The following C12orf54 variants were observed in gnomAD, a reference collection of about 807,000 sequenced individuals.
C12orf54 encodes uncharacterized protein C12orf54.
C12orf54 carries 24 observed loss-of-function variants against 26.4 expected under a neutral mutation model. The observed-to-expected ratio is 0.91, with a 90% CI of 0.66 to 1.28. The LOEUF is 1.28. C12orf54 is among the 50% of genes most tolerant of loss of function. The pLI is 0.00. For missense variants in C12orf54, 154 were observed against 150.9 expected, an observed-to-expected ratio of 1.02 and a Z score of -0.11; for synonymous variants, 54 against 47.0, an observed-to-expected ratio of 1.15 and a Z score of -0.61.
At chr12:48,444,045 A>ATAAG in the C12orf54 span, among the ~76,000 whole-genome samples, 1 of 152,224 alleles carries the variant, frequency 6.6e-6, no homozygotes, top group Non-Finnish European at 1.5e-5. Context: ...GTCCAGACTA[A>ATAAG]TAAGTTTGAA....
At chr12:48,435,003 A>C in the C12orf54 span, among the ~76,000 whole-genome samples, 4 of 152,182 alleles carry the variant, frequency 2.6e-5, no homozygotes, top group Non-Finnish European at 4.4e-5. Flanking sequence ...AAAGAAGTTA[A>C]AAACTTTGAA....
chr12:48,436,728 C>G, the C12orf54 span, among the ~76,000 whole-genome samples: 1 of 152,104 alleles, frequency 6.6e-6, no homozygotes. Context: ...ACACAATATA[C>G]CAGAATCTCT....
the C12orf54 span, among the ~76,000 whole-genome samples, chr12:48,429,677 A>G: frequency 4.6e-5 from 7 of 152,202 alleles, no homozygotes; most frequent in Non-Finnish European, 1.0e-4. Flanking sequence ...GACACAAACA[A>G]ATGGAAACAC....
At chr12:48,451,336 A>AC in the C12orf54 span, among the ~76,000 whole-genome samples, 2 of 152,132 alleles carry the variant, frequency 1.3e-5, no homozygotes, top group African/African-American at 4.8e-5. Flanking sequence ...GAAGGAACAT[A>AC]CCTCAAAATA....
the C12orf54 span, among the ~76,000 whole-genome samples, chr12:48,429,593 G>A: frequency 6.6e-6 from 1 of 151,036 alleles, no homozygotes; most frequent in Non-Finnish European, 1.5e-5. Flanking sequence ...AAAATACTTA[G>A]AATATACCTA....
At chr12:48,424,743 A>T in the C12orf54 span, among the ~76,000 whole-genome samples, 2 of 152,150 alleles carry the variant, frequency 1.3e-5, no homozygotes, top group East Asian at 1.9e-4. Flanking sequence ...CTTCACAAAG[A>T]CTTCTACTTA....
At chr12:48,465,407 A>C in the C12orf54 span, among the ~76,000 whole-genome samples, 1 of 152,142 alleles carries the variant, frequency 6.6e-6, no homozygotes, top group Non-Finnish European at 1.5e-5. Flanking sequence ...AAAAAGTCAA[A>C]ACATAACTGA....
At chr12:48,415,374 A>C in the C12orf54 span, among the ~76,000 whole-genome samples, 1 of 152,170 alleles carries the variant, frequency 6.6e-6, no homozygotes, top group African/African-American at 2.4e-5. Flanking sequence ...TTCTCTTTTC[A>C]ACTTATCCTA....
the C12orf54 span, among the ~76,000 whole-genome samples, chr12:48,460,373 CT>C: frequency 6.6e-6 from 1 of 151,730 alleles, no homozygotes; most frequent in Admixed American, 6.6e-5. Flanking sequence ...GGAAATAAGG[CT>C]TTTGGAGACA....
chr12:48,491,245 G>T (rs960192101), intron 6 of C12orf54, among the ~76,000 whole-genome samples: 1 of 152,204 alleles, frequency 6.6e-6, no homozygotes, highest in African/African-American at 2.4e-5. Flanking sequence ...TGTCTGGTGA[G>T]GCCCTGCTTC....
chr12:48,481,515 G>A (rs763072757), upstream of C12orf54, among the ~76,000 whole-genome samples: 6 of 152,110 alleles, frequency 3.9e-5, no homozygotes, highest in Non-Finnish European at 7.3e-5. Flanking sequence ...CTCACTAGTA[G>A]CACCTGGAGC....
chr12:48,494,924 C>T lies in C12orf54; in HGVS notation c.369C>T (p.Tyr123=). The T allele has an allele frequency of 6.2e-7, 1 of 1,613,394 alleles. No individual in the cohort carries two copies. Among genetic ancestry groups the T allele is most frequent in the Non-Finnish European group, 8.5e-7 (1 of 1,179,312 alleles). The change falls in exon 8 of 9, where the codon TAC becomes TAT. Residue 123 remains tyrosine, a synonymous_variant. Coordinates refer to ENST00000548364, the MANE Select transcript of C12orf54 (RefSeq NM_152319.4). ...LKTQLFSQSA[Y]YPGP ...CACAGCTCTTCAGTCAATCAGCTTA[C>T]TACCCTGGACCCTAACTCTACAATC...
At chr12:48,442,633 A>C in the C12orf54 span, 1 of 166,916 alleles carries the variant, frequency 6.0e-6, no homozygotes, top group Admixed American at 6.4e-5. Flanking sequence ...CAGTGCCCCC[A>C]GTGGCAAACA....
chr12:48,429,233 A>C, the C12orf54 span, among the ~76,000 whole-genome samples: 1 of 152,138 alleles, frequency 6.6e-6, no homozygotes, highest in Non-Finnish European at 1.5e-5. Flanking sequence ...GAAAAGTTGA[A>C]AGCATTCCCT....
chr12:48,457,747 C>T, the C12orf54 span, among the ~76,000 whole-genome samples: 1 of 152,132 alleles, frequency 6.6e-6, no homozygotes, highest in South Asian at 2.1e-4. Context: ...GCCTCCTTGG[C>T]TTTGGGTCCT....
At chr12:48,433,182 C>T in the C12orf54 span, among the ~76,000 whole-genome samples, 1 of 152,192 alleles carries the variant, frequency 6.6e-6, no homozygotes, top group Non-Finnish European at 1.5e-5. Context: ...AACAGCAGAT[C>T]AGCCTTGGTG....
chr12:48,467,059 T>C, the C12orf54 span, among the ~76,000 whole-genome samples: 3 of 152,042 alleles, frequency 2.0e-5, no homozygotes, highest in Non-Finnish European at 4.4e-5. Flanking sequence ...AAAATGGTCT[T>C]TGCAAATATA....
the C12orf54 span, among the ~76,000 whole-genome samples, chr12:48,415,888 A>G: frequency 2.0e-5 from 3 of 152,180 alleles, no homozygotes; most frequent in Non-Finnish European, 4.4e-5. Flanking sequence ...AAACTAACAG[A>G]AAACAAATCC....
At chr12:48,479,638 T>C (rs1230902993), upstream of C12orf54, among the ~76,000 whole-genome samples, 1 of 151,774 alleles carries the variant, frequency 6.6e-6, no homozygotes, top group Admixed American at 6.6e-5. Context: ...ACGGAAAAAC[T>C]AATGCAAAAT....
Sources: gnomAD v4.1 joint callset for allele counts (sites outside exome capture counted in the v4.1 genomes callset) on GRCh38, gnomAD v4.1.1 for gene constraint, MANE v1.5 for transcripts, NCBI Gene and HGNC (gene_info 2026-07-23, HGNC 2026-07-21) for gene names.